LRFN5: variants seen among roughly 807,000 people sequenced by gnomAD.
The protein encoded by LRFN5 is leucine-rich repeat and fibronectin type-III domain-containing protein 5.
LRFN5 carries 24 observed loss-of-function variants against 45.6 expected under a neutral mutation model. That is an observed-to-expected ratio of 0.53 (90% CI 0.38 to 0.74). The LOEUF is 0.74. Among genes scored for constraint, LRFN5 ranks in the 30% least tolerant of loss-of-function variants. The pLI is 0.00. For missense variants in LRFN5, 776 were observed against 861.5 expected, an observed-to-expected ratio of 0.90 and a Z score of 1.24; for synonymous variants, 340 against 313.8, an observed-to-expected ratio of 1.08 and a Z score of -0.88.
chr14:41,788,423 A>G (rs1015127082), intron 2 of LRFN5, among the ~76,000 whole-genome samples: 4 of 152,028 alleles, frequency 2.6e-5, no homozygotes, highest in Non-Finnish European at 2.9e-5. Flanking sequence ...TTTACTCCCA[A>G]TTGTGTGAGG....
At chr14:41,804,065 T>C (rs948431150) in intron 2 of LRFN5, among the ~76,000 whole-genome samples, 4 of 152,216 alleles carry the variant, frequency 2.6e-5, no homozygotes, top group Non-Finnish European at 4.4e-5. Context: ...GGTTTCACCA[T>C]GTTGGCTAGG....
At chr14:41,853,599 T>C (rs1566484639) in intron 2 of LRFN5, among the ~76,000 whole-genome samples, 1 of 152,042 alleles carries the variant, frequency 6.6e-6, no homozygotes, top group Non-Finnish European at 1.5e-5. Flanking sequence ...TATATTATAT[T>C]TGAGATATTA....
At chr14:41,754,372 C>T (rs1025574574) in intron 1 of LRFN5, among the ~76,000 whole-genome samples, 10 of 152,128 alleles carry the variant, frequency 6.6e-5, no homozygotes, top group Admixed American at 3.3e-4. Context: ...TGGTAGAATT[C>T]GGCTGTGAAT....
rs1244142006 is a variant in LRFN5 at position 41,887,795 on chromosome 14, T to G, written c.1170T>G (p.Pro390=). The G allele has an allele frequency of 6.2e-7, 1 of 1,613,924 alleles. No individual in the cohort carries two copies. The highest frequency in any genetic ancestry group is 1.1e-5 in the South Asian group (1 of 91,074). The change falls in exon 3 of 6, where the codon CCT becomes CCG. Residue 390 remains proline, a synonymous_variant. Transcript: ENST00000298119. This position sits in a 1 kb window ranked among gnomAD's most constrained non-coding sequence, Gnocchi z 4.8. ...LLNSTNHIHE[P]DPGSSDISTS... Reference sequence around the variant, plus strand: ...ATAGTACAAACCATATCCATGAGCCTGATCCTGGTTCTTCAGATATCTCAA... The same window carrying G: ...ATAGTACAAACCATATCCATGAGCCGGATCCTGGTTCTTCAGATATCTCAA...
In LRFN5 at chr14:41,609,812, G is replaced by C. The variant is rs376187186; in HGVS notation, c.-197+1250G>C. 5.2e-4 allele frequency among the ~76,000 whole-genome samples: 79 copies of C among 152,270 alleles called. 2 individuals carry two copies. In the South Asian group the frequency reaches 0.016, roughly 30 times the overall value. ...GCAGTGACTGGGGCTGCTGGGGGGCGGGGGGTTCTCTTTGCTAACGCCGTT... is the reference window on the plus strand; with the variant it reads ...GCAGTGACTGGGGCTGCTGGGGGGCCGGGGGTTCTCTTTGCTAACGCCGTT... On this transcript the variant is annotated intron_variant, in intron 1 of 5. Coordinates refer to ENST00000298119, the MANE Select transcript of LRFN5 (RefSeq NM_152447.5).
intron 1 of LRFN5, among the ~76,000 whole-genome samples, chr14:41,615,438 G>A (rs1887897003): frequency 6.6e-6 from 1 of 151,956 alleles, no homozygotes; most frequent in African/African-American, 2.4e-5. Context: ...ACATATCTTG[G>A]CCCTAAACTG....
Position 41,891,667 on chromosome 14 carries a change from G to A in LRFN5, c.1803G>A (p.Gln601=). 1 of 1,614,210 alleles carries A rather than the reference G, an allele frequency of 6.2e-7. No individual in the cohort carries two copies. The highest frequency in any genetic ancestry group is 2.2e-5 in the East Asian group (1 of 44,886). ...CTGTGGGACACGAAGAGAATGCCCAGTGTTGTAAAGCTACCAGTGACAATG... is the reference window on the plus strand; with the variant it reads ...CTGTGGGACACGAAGAGAATGCCCAATGTTGTAAAGCTACCAGTGACAATG... ...KQAVGHEENA[Q]CCKATSDNVI... is the part of the protein sequence containing the mutation. Residue 601 remains glutamine (Q), a synonymous_variant, in exon 4 of 6, where the codon CAG becomes CAA. Transcript: ENST00000298119.
intron 4 of LRFN5, chr14:41,892,355 C>G (rs1398339647): frequency 2.0e-6 from 2 of 984,200 alleles, no homozygotes; most frequent in Admixed American, 1.2e-4. Flanking sequence ...TGGAAGGAAA[C>G]ATAAATAAAA....
intron 4 of LRFN5, chr14:41,894,704 A>G: frequency 5.1e-6 from 5 of 985,292 alleles, no homozygotes; most frequent in Non-Finnish European, 6.0e-6. Context: ...CTGAAACATA[A>G]TTGTTGCTTA....
intron 1 of LRFN5, among the ~76,000 whole-genome samples, chr14:41,727,305 A>T (rs181818347): frequency 6.6e-6 from 1 of 152,272 alleles, no homozygotes; most frequent in East Asian, 1.9e-4. Flanking sequence ...TCAGCAATGG[A>T]GGTAAAACAG....
chr14:41,632,162 GA>G (rs11356568), intron 1 of LRFN5, among the ~76,000 whole-genome samples: 3,345 of 146,876 alleles, frequency 0.023, 107 homozygotes, highest in African/African-American at 0.074. Context: ...AAGTCACAAG[GA>G]AAAAAAAAAC....
chr14:41,876,277 CTTTTTTT>C (rs34291427), intron 2 of LRFN5, among the ~76,000 whole-genome samples: 8 of 100,606 alleles, frequency 8.0e-5, no homozygotes, highest in Admixed American at 2.6e-4. Context: ...CTTTTTCTTT[CTTTTTTT>C]TTTTTTTTTT....
At chr14:41,723,884 CA>C (rs1226203398) in intron 1 of LRFN5, among the ~76,000 whole-genome samples, 17 of 152,298 alleles carry the variant, frequency 1.1e-4, no homozygotes, top group African/African-American at 3.8e-4. Flanking sequence ...ACTTTGTATA[CA>C]CCTGGATTAA....
At chr14:41,672,322 A>C (rs1462809801) in intron 1 of LRFN5, among the ~76,000 whole-genome samples, 1 of 152,160 alleles carries the variant, frequency 6.6e-6, no homozygotes, top group Non-Finnish European at 1.5e-5. Flanking sequence ...CTCGTGTAAG[A>C]TATCATTCCT....
intron 1 of LRFN5, among the ~76,000 whole-genome samples, chr14:41,615,827 G>A (rs548527855): frequency 6.6e-6 from 1 of 152,116 alleles, no homozygotes; most frequent in Non-Finnish European, 1.5e-5. Context: ...TACATAGCAG[G>A]TGTATATATT....
rs1023559659 is a variant in LRFN5 at position 41,700,568 on chromosome 14, G to T, written c.-196-66286G>T. On this transcript the variant is annotated intron_variant, in intron 1 of 5. Transcript: ENST00000298119. ...TTAGAGGTAGTATAGATGTCTGCAT[G>T]TGTAAGACAGAAAAGAAAAGAGAAG... 2.6e-5 allele frequency: 4 copies of T among 152,024 alleles called. No homozygotes were observed. The South Asian group carries it at 8.3e-4, about 32-fold the overall frequency. The allele number at this position is 152,024 out of a possible 1,614,324, so 9.4% of individuals were successfully genotyped here.
intron 1 of LRFN5, among the ~76,000 whole-genome samples, chr14:41,688,900 C>A (rs1882238532): frequency 7.5e-6 from 1 of 132,798 alleles, no homozygotes; most frequent in Non-Finnish European, 1.5e-5. Context: ...TGGTGAGACC[C>A]TATTTCTACC....
intron 2 of LRFN5, among the ~76,000 whole-genome samples, chr14:41,823,260 G>A (rs2593763): frequency 0.26 from 39,672 of 151,482 alleles, 5,376 homozygotes; most frequent in Middle Eastern, 0.35. Context: ...TTTTTTTTAT[G>A]ACAGTGACTA....
chr14:41,778,301 G>A (rs1308896201), intron 2 of LRFN5, among the ~76,000 whole-genome samples: 2 of 151,640 alleles, frequency 1.3e-5, no homozygotes, highest in Non-Finnish European at 3.0e-5. Flanking sequence ...TATAACTGAA[G>A]GATGAGGGGC....
Sources: gnomAD v4.1 joint callset for allele counts (sites outside exome capture counted in the v4.1 genomes callset) on GRCh38, gnomAD v4.1.1 for gene constraint, Gnocchi (gnomAD v3.1) non-coding constraint, MANE v1.5 for transcripts, NCBI Gene and HGNC (gene_info 2026-07-23, HGNC 2026-07-21) for gene names.